KCNA2: variants seen among roughly 807,000 people sequenced by gnomAD.
KCNA2 encodes potassium voltage-gated channel subfamily A member 2, also known as potassium channel, voltage gated shaker related subfamily A, member 2.
KCNA2 carries 11 observed loss-of-function variants against 33.4 expected under a neutral mutation model. The observed-to-expected ratio is 0.33, with a 90% confidence interval of 0.21 to 0.55. KCNA2 has a LOEUF of 0.55. Among genes scored for constraint, KCNA2 ranks in the 20% least tolerant of loss-of-function variants. The pLI is 0.93. For synonymous variants in KCNA2, 222 were observed against 231.3 expected (o/e 0.96, Z 0.37); for missense variants, 291 against 621.6 (o/e 0.47, Z 5.66).
Position 110,601,671 on chromosome 1 carries a change from C to T in KCNA2, c.*1612G>A. Reference sequence around the variant, plus strand: ...AGTGTCTGAGGCAATGGCAGCAAACCCAGGCCCAGTGGGGTTACCAATGAG... The same window carrying T: ...AGTGTCTGAGGCAATGGCAGCAAACTCAGGCCCAGTGGGGTTACCAATGAG... On this transcript the variant is annotated 3_prime_UTR_variant, in exon 3 of 3. Transcript: ENST00000316361. 9.4e-7 allele frequency: 1 copy of T among 1,067,582 alleles called. No individual in the cohort carries two copies. The highest frequency in any genetic ancestry group is 1.1e-6 in the Non-Finnish European group (1 of 884,542). 66.1% of individuals were successfully genotyped at this position (1,067,582 alleles called of 1,614,324 possible).
intron 1 of KCNA2, among the ~76,000 whole-genome samples, chr1:110,615,331 A>C (rs1650014687): frequency 6.6e-6 from 1 of 152,222 alleles, no homozygotes; most frequent in African/African-American, 2.4e-5. Flanking sequence ...GAATGGAGTA[A>C]ACTCTTGTGT....
At chr1:110,619,767 C>A (rs914188415) in intron 1 of KCNA2, among the ~76,000 whole-genome samples, 1 of 152,164 alleles carries the variant, frequency 6.6e-6, no homozygotes, top group Non-Finnish European at 1.5e-5. Context: ...GCCCTTAAAC[C>A]CCAGCACTTT....
rs1570748579 is a variant in KCNA2 at position 110,599,452 on chromosome 1, C to T, written c.*3831G>A. On this transcript the variant is annotated 3_prime_UTR_variant, in exon 3 of 3. Coordinates refer to ENST00000316361, the MANE Select transcript of KCNA2 (RefSeq NM_004974.4). ...GCAATTGGATGGGAGGCAGGGCATC[C>T]AGGGGAGCCCAACAAGAGGAAAAGG... 2.0e-6 allele frequency: 2 copies of T among 985,386 alleles called. No individual in the cohort carries two copies. Among genetic ancestry groups the T allele is most frequent in the East Asian group, 1.1e-4 (1 of 8,806 alleles). 61.0% of individuals were successfully genotyped at this position (985,386 alleles called of 1,614,324 possible).
chr1:110,597,433 A>G lies in KCNA2; in HGVS notation c.*5850T>C. ...ACACAAACTTAGGATTTTCATGCCT[A>G]GAGGTTGTAAGGATGCTGTATGACA... On this transcript the variant is annotated 3_prime_UTR_variant, in exon 3 of 3. Coordinates refer to ENST00000316361, the MANE Select transcript of KCNA2 (RefSeq NM_004974.4). The G allele has an allele frequency of 2.0e-6, 2 of 985,456 alleles. No individual in the cohort carries two copies. The highest frequency in any genetic ancestry group is 2.4e-6 in the Non-Finnish European group (2 of 829,938). 61.0% of individuals were successfully genotyped at this position (985,456 alleles called of 1,614,324 possible).
chr1:110,596,335 C>G lies in KCNA2; in HGVS notation c.*6948G>C. The G allele has an allele frequency of 1.5e-5, 5 of 335,406 alleles. No individual in the cohort carries two copies. The highest frequency in any genetic ancestry group is 1.7e-5 in the Non-Finnish European group (4 of 239,184). 20.8% of individuals were successfully genotyped at this position (335,406 alleles called of 1,614,324 possible). ...AAAATAGTATACATATATACATATACTATATATATATATATACACACATAA... is the reference window on the plus strand; with the variant it reads ...AAAATAGTATACATATATACATATAGTATATATATATATATACACACATAA... On this transcript the variant is annotated 3_prime_UTR_variant, in exon 3 of 3. Transcript: ENST00000316361.
chr1:110,624,613 C>A (rs1650344901), intron 1 of KCNA2, among the ~76,000 whole-genome samples: 1 of 152,084 alleles, frequency 6.6e-6, no homozygotes. Context: ...ATAAGTTATA[C>A]CTCGATAAAG....
chr1:110,602,025 C>G lies in KCNA2; in HGVS notation c.*1258G>C, dbSNP rs1649376538. On this transcript the variant is annotated 3_prime_UTR_variant, in exon 3 of 3. Transcript: ENST00000316361. ...TATATATTTATATACACTGGATCCA[C>G]AGACCTGCCTGTCATCAGGACCAGA... The G allele has an allele frequency of 6.5e-7, 1 of 1,550,182 alleles. No individual in the cohort carries two copies. The highest frequency in any genetic ancestry group is 8.7e-7 in the Non-Finnish European group (1 of 1,146,894).
chr1:110,596,782 C>T lies in KCNA2; in HGVS notation c.*6501G>A. Reference sequence around the variant, plus strand: ...AAAATTGCAAAGCAATCAGGATGTTCCTGTCCCTGAGGTTTCCCCATCAGT... The same window carrying T: ...AAAATTGCAAAGCAATCAGGATGTTTCTGTCCCTGAGGTTTCCCCATCAGT... On this transcript the variant is annotated 3_prime_UTR_variant, in exon 3 of 3. Coordinates refer to ENST00000316361, the MANE Select transcript of KCNA2 (RefSeq NM_004974.4). The T allele has an allele frequency of 8.1e-6, 8 of 985,332 alleles. No individual in the cohort carries two copies. Among genetic ancestry groups the T allele is most frequent in the East Asian group, 1.1e-4 (1 of 8,826 alleles). The allele number at this position is 985,332 out of a possible 1,614,324, so 61.0% of individuals were successfully genotyped here.
rs754581443 is a variant in KCNA2 at position 110,603,359 on chromosome 1, T to G, written c.1424A>C (p.Glu475Ala). 6.2e-6 allele frequency: 10 copies of G among 1,614,008 alleles called. No individual in the cohort carries two copies. The highest frequency in any genetic ancestry group is 8.5e-6 in the Non-Finnish European group (10 of 1,179,982). Residue 475 changes from glutamate (E) to alanine (A), a missense_variant, in exon 3 of 3, where the codon GAA becomes GCA. Around this residue, in one of 5 missense-constraint regions of KCNA2, gnomAD observed 65 missense variants for 95.1 expected, o/e 0.68. Transcript: ENST00000316361. This position sits in a 1 kb window ranked among gnomAD's most constrained non-coding sequence, Gnocchi z 5.7. ...GGTACAGTTGGCTGTTTTCAAGTTT[T>G]CCTCTCTAAAGTCCTCATTACTGTT... ...VNNSNEDFREENLKTANCTLA... is the reference protein window; with the variant it reads ...VNNSNEDFREANLKTANCTLA...
At chr1:110,616,468 T>C (rs1650070229) in intron 1 of KCNA2, among the ~76,000 whole-genome samples, 2 of 152,154 alleles carry the variant, frequency 1.3e-5, no homozygotes, top group Admixed American at 1.3e-4. Context: ...TCCAGGAGCT[T>C]TCAGGAAATA....
rs1375683355 is a variant in KCNA2, at chr1:110,597,243, G to T, written c.*6040C>A. The T allele has an allele frequency of 4.1e-6, 4 of 985,328 alleles. No homozygotes were observed. Among genetic ancestry groups the T allele is most frequent in the Non-Finnish European group, 3.6e-6 (3 of 829,952 alleles). 61.0% of individuals were successfully genotyped at this position (985,328 alleles called of 1,614,324 possible). ...TCAGCATCCGTCTCCCTGGGGAAGG[G>T]AGAAGGGGAAGCAAAAGGATCAAGT... On this transcript the variant is annotated 3_prime_UTR_variant, in exon 3 of 3. Coordinates refer to ENST00000316361, the MANE Select transcript of KCNA2 (RefSeq NM_004974.4).
chr1:110,624,527 G>A (rs916539452), intron 1 of KCNA2, among the ~76,000 whole-genome samples: 1 of 152,148 alleles, frequency 6.6e-6, no homozygotes, highest in African/African-American at 2.4e-5. Flanking sequence ...GAACTTTTGG[G>A]GGTGATGGAT....
Position 110,599,395 on chromosome 1 carries a change from C to T in KCNA2, c.*3888G>A. ...TTAGCCTTAGATGTATGTTCTTAAT[C>T]ACTTTTTACTTAAGCTGAACTGGGT... On this transcript the variant is annotated 3_prime_UTR_variant, in exon 3 of 3. Transcript: ENST00000316361. 1 of 985,400 alleles carries T rather than the reference C, an allele frequency of 1.0e-6. No homozygotes were observed. Among genetic ancestry groups the T allele is most frequent in the Non-Finnish European group, 1.2e-6 (1 of 829,924 alleles). 61.0% of individuals were successfully genotyped at this position (985,400 alleles called of 1,614,324 possible).
In KCNA2 at chr1:110,599,203, G is replaced by A. The variant is rs746810020; in HGVS notation, c.*4080C>T. The A allele has an allele frequency of 1.7e-5, 17 of 985,310 alleles. No homozygotes were observed. The highest frequency in any genetic ancestry group is 6.2e-5 in the Admixed American group (1 of 16,256). The allele number at this position is 985,310 out of a possible 1,614,324, so 61.0% of individuals were successfully genotyped here. On this transcript the variant is annotated 3_prime_UTR_variant, in exon 3 of 3. Coordinates refer to ENST00000316361, the MANE Select transcript of KCNA2 (RefSeq NM_004974.4). Reference sequence around the variant, plus strand: ...AGCCTGACTGCAACTCTTTACTTCCGATGTAGGTGAAGCCTTTGCTAAAAT... The same window carrying A: ...AGCCTGACTGCAACTCTTTACTTCCAATGTAGGTGAAGCCTTTGCTAAAAT...
At chr1:110,630,526 T>C (rs1166053125) in intron 1 of KCNA2, among the ~76,000 whole-genome samples, 2 of 152,236 alleles carry the variant, frequency 1.3e-5, no homozygotes, top group Admixed American at 1.3e-4. Context: ...AGCTGTTCAA[T>C]GGATTCATGG....
At position 110,598,394 on chromosome 1, in the gene KCNA2, G is replaced by A. The variant is rs1649194097; in HGVS notation, c.*4889C>T. 9.1e-6 allele frequency: 9 copies of A among 985,310 alleles called. No individual in the cohort carries two copies. The highest frequency in any genetic ancestry group is 9.6e-6 in the Non-Finnish European group (8 of 829,900). 61.0% of individuals were successfully genotyped at this position (985,310 alleles called of 1,614,324 possible). A position where few individuals can be genotyped will look rare whatever the true frequency, so the allele number is the denominator to read the frequency against. Reference sequence around the variant, plus strand: ...TGCACACTGTTCTATAGTTTCCTTAGGGGGGAGTCAGCCTCTGTGACTCTA... The same window carrying A: ...TGCACACTGTTCTATAGTTTCCTTAAGGGGGAGTCAGCCTCTGTGACTCTA... On this transcript the variant is annotated 3_prime_UTR_variant, in exon 3 of 3. Coordinates refer to ENST00000316361, the MANE Select transcript of KCNA2 (RefSeq NM_004974.4).
rs967536712 is a variant in KCNA2 at position 110,602,132 on chromosome 1, T to C, written c.*1151A>G. 2.6e-6 allele frequency: 4 copies of C among 1,550,406 alleles called. No individual in the cohort carries two copies. The African/African-American group carries it at 5.5e-5, about 21-fold the overall frequency. ...CATGTGAGGTGTTCAGATGCTGCCT[T>C]CCCCGCTTACTCTTCTGGCTTTGCA... is the stretch of plus-strand genomic sequence containing the variant. On this transcript the variant is annotated 3_prime_UTR_variant, in exon 3 of 3. Transcript: ENST00000316361.
At position 110,604,882 on chromosome 1, in the gene KCNA2, G is replaced by T; in HGVS notation, c.-100C>A. On this transcript the variant is annotated 5_prime_UTR_variant, in exon 3 of 3. Coordinates refer to ENST00000316361, the MANE Select transcript of KCNA2 (RefSeq NM_004974.4). This position sits in a 1 kb window ranked among gnomAD's most constrained non-coding sequence, Gnocchi z 7.6. Reference sequence around the variant, plus strand: ...TGGCCCCAGGAAGCACAGGAGCATTGGCCTGGTCTCCTGCAGGAGAGCCCC... The same window carrying T: ...TGGCCCCAGGAAGCACAGGAGCATTTGCCTGGTCTCCTGCAGGAGAGCCCC... 8.7e-7 allele frequency: 1 copy of T among 1,147,678 alleles called. No homozygotes were observed. The highest frequency in any genetic ancestry group is 1.3e-6 in the Non-Finnish European group (1 of 798,292). The allele number at this position is 1,147,678 out of a possible 1,614,324, so 71.1% of individuals were successfully genotyped here.
In KCNA2 at chr1:110,603,041, C is replaced by A; in HGVS notation, c.*242G>T. ...GGCCTCAACGTGTCTATCTGAAATC[C>A]TAGCTTGATAGGTGACTCCCGTCTT... On this transcript the variant is annotated 3_prime_UTR_variant, in exon 3 of 3. Coordinates refer to ENST00000316361, the MANE Select transcript of KCNA2 (RefSeq NM_004974.4). This position sits in a 1 kb window ranked among gnomAD's most constrained non-coding sequence, Gnocchi z 5.7. The A allele has an allele frequency of 7.3e-7, 1 of 1,372,960 alleles. No individual in the cohort carries two copies. Among genetic ancestry groups the A allele is most frequent in the Non-Finnish European group, 9.4e-7 (1 of 1,068,012 alleles). 85.0% of individuals were successfully genotyped at this position (1,372,960 alleles called of 1,614,324 possible).
Sources: allele counts gnomAD v4.1 joint callset (sites outside exome capture counted in the v4.1 genomes callset), GRCh38; gene constraint gnomAD v4.1.1; regional missense constraint gnomAD v4.1.1; non-coding constraint Gnocchi (gnomAD v3.1); transcripts MANE v1.5; gene names NCBI Gene and HGNC (gene_info 2026-07-23, HGNC 2026-07-21).